The following TASOR2 variants were observed in gnomAD, a reference collection of about 807,000 sequenced individuals.
The protein encoded by TASOR2 is protein TASOR 2.
A neutral mutation model predicts 199.5 loss-of-function variants in TASOR2; 84 were observed. The ratio of observed to expected loss-of-function variants is 0.42; its 90% CI spans 0.35 to 0.50. The LOEUF (loss-of-function observed/expected upper bound fraction) is 0.50, where lower values mean the gene tolerates loss of function less well. Ranked by LOEUF, TASOR2 falls within the 20% of genes least tolerant of loss-of-function variation. The pLI, the probability that TASOR2 is intolerant of heterozygous loss-of-function variation, is 0.02. For synonymous variants in TASOR2, 1,103 were observed against 1,046.6 expected, an observed-to-expected ratio of 1.05 and a Z score of -1.04; for missense variants, 2,796 against 2,835.9, an observed-to-expected ratio of 0.99 and a Z score of 0.32.
rs967047117 is a variant in TASOR2, at chr10:5,747,075, G to A, written c.3654G>A (p.Gln1218=). 3.1e-6 allele frequency: 5 copies of A among 1,614,044 alleles called. No individual in the cohort carries two copies. In the African/African-American group the frequency reaches 5.3e-5, roughly 17 times the overall value. The change falls in exon 15 of 21, where the codon CAG becomes CAA. Residue 1218 remains glutamine, a synonymous_variant. Coordinates refer to ENST00000328090, the Ensembl canonical transcript of TASOR2. ...CAGCCTCTACCACCTTGGGAAGGCA[G>A]TGTTCACTTAACTGCATTTCGTCAG...
In TASOR2 at chr10:5,742,250, T is replaced by C; in HGVS notation, c.2481T>C (p.Asn827=). Residue 827 remains asparagine, a synonymous_variant, in exon 14 of 21, where the codon AAT becomes AAC. Transcript: ENST00000328090. The surrounding 1 kb of genome is among the most constrained non-coding windows in gnomAD (Gnocchi z 4.2). ...ACCCAGCAAAATATGTGTCTATAAATAGCACGTTAGAATCTTGTGAGCTCC... is the reference window on the plus strand; with the variant it reads ...ACCCAGCAAAATATGTGTCTATAAACAGCACGTTAGAATCTTGTGAGCTCC... 6.2e-7 allele frequency: 1 copy of C among 1,614,168 alleles called. No individual in the cohort carries two copies. Among genetic ancestry groups the C allele is most frequent in the Middle Eastern group, 1.6e-4 (1 of 6,062 alleles).
At chr10:5,692,518 G>A (rs1406964263) in intron 1 of TASOR2, among the ~76,000 whole-genome samples, 1 of 152,136 alleles carries the variant, frequency 6.6e-6, no homozygotes, top group African/African-American at 2.4e-5. Context: ...CCGTTCTGAC[G>A]ACTGAGCCCG....
Position 5,740,097 on chromosome 10 carries a change from G to A in TASOR2, c.1927G>A (p.Asp643Asn), listed in dbSNP as rs778240738. The A allele has an allele frequency of 1.9e-6, 3 of 1,614,104 alleles. No homozygotes were observed. Among genetic ancestry groups the A allele is most frequent in the Admixed American group, 3.3e-5 (2 of 60,024 alleles). The change falls in exon 13 of 21, where the codon GAT becomes AAT. Residue 643 changes from aspartate to asparagine, a missense_variant. By Grantham distance (23) the Asp-to-Asn change is conservative (BLOSUM62 1). Around this residue, in one of 3 missense-constraint regions of TASOR2, gnomAD observed 847 missense variants for 887.4 expected, o/e 0.95. Transcript: ENST00000328090. The surrounding 1 kb of genome is among the most constrained non-coding windows in gnomAD (Gnocchi z 5.3). The stretch of plus-strand genomic sequence containing the variant: ...TACTGAGGAAATGCTAGAATCTTCA[G>A]ATGCAAGCCAAAGCTCTTCTGTTTC...
intron 13 of TASOR2, among the ~76,000 whole-genome samples, chr10:5,741,478 T>C (rs745412642): frequency 3.9e-5 from 6 of 152,198 alleles, no homozygotes; most frequent in Non-Finnish European, 8.8e-5. Context: ...TGTTTAGCTA[T>C]TGCCCAACTC....
intron 2 of TASOR2, chr10:5,714,631 T>C (rs1026680341): frequency 5.5e-5 from 1 of 18,130 alleles, no homozygotes; most frequent in African/African-American, 3.3e-4. Context: ...AATAAAAATA[T>C]TATCTAATTG....
Position 5,720,964 on chromosome 10 carries a change from C to T in TASOR2, c.140C>T (p.Thr47Ile). The change falls in exon 6 of 21, where the codon ACA becomes ATA. Residue 47 changes from threonine to isoleucine, a missense_variant. Coordinates refer to ENST00000328090, the Ensembl canonical transcript of TASOR2. This position sits in a 1 kb window ranked among gnomAD's most constrained non-coding sequence, Gnocchi z 5.3. ...TCCACTTACGGTGCAATGATTCCAACACAGCTGTAAGTATTAAATGTTATG... is the reference window on the plus strand; with the variant it reads ...TCCACTTACGGTGCAATGATTCCAATACAGCTGTAAGTATTAAATGTTATG... 6 of 1,610,338 alleles carry T rather than the reference C, an allele frequency of 3.7e-6. No individual in the cohort carries two copies. The highest frequency in any genetic ancestry group is 4.2e-6 in the Non-Finnish European group (5 of 1,177,830).
chr10:5,735,430 C>G, exon 12 of TASOR2: 1 of 1,614,136 alleles, frequency 6.2e-7, no homozygotes, highest in Non-Finnish European at 8.5e-7. Flanking sequence ...CAAGAGAAAT[C>G]TCCAGTCAAA....
intron 7 of TASOR2, 35 bp from the exon 9 acceptor site, chr10:5,724,395 A>G: frequency 8.7e-7 from 1 of 1,145,020 alleles, no homozygotes; most frequent in Non-Finnish European, 1.2e-6. Flanking sequence ...ATAGCGTATT[A>G]AAAATAAGAA....
Position 5,748,804 on chromosome 10 carries a change from G to A in TASOR2, c.5383G>A (p.Glu1795Lys). The A allele has an allele frequency of 6.2e-7, 1 of 1,614,186 alleles. No homozygotes were observed. Among genetic ancestry groups the A allele is most frequent in the Non-Finnish European group, 8.5e-7 (1 of 1,180,032 alleles). The change falls in exon 15 of 21, where the codon GAG (glutamate) becomes AAG (lysine). Residue 1795 changes from glutamate to lysine, a missense_variant. Physicochemically the swap from Glu to Lys is moderately conservative, Grantham distance 56. Transcript: ENST00000328090. This position sits in a 1 kb window ranked among gnomAD's most constrained non-coding sequence, Gnocchi z 5.1. ...AATAGCCACAGAGCACGTAGAAATT[G>A]AGAACAGTGGGGAGGGGCTCAGGGC...
At chr10:5,712,758 TA>T (rs1465586408) in intron 1 of TASOR2, 64 bp from the exon 2 acceptor site, 5 of 911,082 alleles carry the variant, frequency 5.5e-6, no homozygotes, top group Non-Finnish European at 7.2e-6. Flanking sequence ...GATGCATTTT[TA>T]AAAATTTGCA....
At chr10:5,714,616 TTAAAAA>T (rs1219844549) in intron 2 of TASOR2, 1 of 124,538 alleles carries the variant, frequency 8.0e-6, no homozygotes, top group African/African-American at 3.3e-5. Flanking sequence ...AGCTGATGAG[TTAAAAA>T]TAAAAATATT....
chr10:5,741,619 T>A (rs1172747307), intron 13 of TASOR2, among the ~76,000 whole-genome samples: 6 of 152,244 alleles, frequency 3.9e-5, no homozygotes, highest in Non-Finnish European at 8.8e-5. Context: ...AATAGTATAG[T>A]TCTGTTGAAT....
At chr10:5,735,626 G>GT in intron 12 of TASOR2, 80 bp downstream of exon 13, 1 of 1,503,754 alleles carries the variant, frequency 6.7e-7, no homozygotes, top group Non-Finnish European at 8.9e-7. Context: ...TTGAAATAGT[G>GT]TAAGAGCAGT....
intron 18 of TASOR2, chr10:5,760,834 A>C (rs1386490207): frequency 6.5e-6 from 1 of 152,716 alleles, no homozygotes; most frequent in Non-Finnish European, 1.5e-5. Context: ...AAATGCTAAA[A>C]ATTTAAACAT....
intron 12 of TASOR2, among the ~76,000 whole-genome samples, chr10:5,736,868 T>G (rs934647972): frequency 1.3e-5 from 2 of 152,200 alleles, no homozygotes; most frequent in African/African-American, 4.8e-5. Context: ...GTTTTCTGTC[T>G]GGTTTTCCTG....
intron 15 of TASOR2, among the ~76,000 whole-genome samples, chr10:5,755,350 A>G (rs1588917126): frequency 6.6e-6 from 1 of 152,134 alleles, no homozygotes; most frequent in Non-Finnish European, 1.5e-5. Context: ...AGGCAGGCGG[A>G]TCGCTTGAAG....
intron 1 of TASOR2, among the ~76,000 whole-genome samples, chr10:5,708,655 C>CCTTCCTTT (rs1831508627): frequency 9.8e-6 from 1 of 102,030 alleles, no homozygotes; most frequent in Admixed American, 1.4e-4. Flanking sequence ...TTCCTTCCTT[C>CCTTCCTTT]CTTTCCTTCC....
At chr10:5,724,392 A>T in intron 7 of TASOR2, 38 bp from the exon 9 acceptor site, 3 of 1,085,500 alleles carry the variant, frequency 2.8e-6, no homozygotes, top group Non-Finnish European at 4.0e-6. Context: ...ATAATAGCGT[A>T]TTAAAAATAA....
intron 1 of TASOR2, among the ~76,000 whole-genome samples, chr10:5,692,342 T>G (rs925298315): frequency 6.6e-6 from 1 of 152,188 alleles, no homozygotes; most frequent in Non-Finnish European, 1.5e-5. Context: ...TATTTTAGAT[T>G]AGACCTGAGA....
Sources: allele counts gnomAD v4.1 joint callset (sites outside exome capture counted in the v4.1 genomes callset), GRCh38; gene constraint gnomAD v4.1.1; regional missense constraint gnomAD v4.1.1; non-coding constraint Gnocchi (gnomAD v3.1); transcripts MANE v1.5; gene names NCBI Gene and HGNC (gene_info 2026-07-23, HGNC 2026-07-21).